CC2D2A: variants seen among roughly 807,000 people sequenced by gnomAD.
CC2D2A encodes the protein coiled-coil and C2 domain-containing protein 2A.
CC2D2A carries 155 observed loss-of-function variants against 212.9 expected under a neutral mutation model. That is an observed-to-expected ratio of 0.73 (90% CI 0.64 to 0.83). CC2D2A has a LOEUF of 0.83. CC2D2A is among the 40% of genes least tolerant of loss of function. The probability of loss-of-function intolerance (pLI) is 0.00; values close to 1 mark genes in which losing one functional copy is unlikely to be tolerated. For missense variants in CC2D2A, 1,856 were observed against 1,956.2 expected (o/e 0.95, Z 0.97); for synonymous variants, 667 against 686.5 (o/e 0.97, Z 0.44).
intron 28 of CC2D2A, among the ~76,000 whole-genome samples, chr4:15,572,255 A>C (rs1720204895): frequency 6.6e-6 from 1 of 152,246 alleles, no homozygotes; most frequent in Admixed American, 6.5e-5. Flanking sequence ...AGAAGCCTAG[A>C]GAGGTTAAGT....
Position 15,596,199 on chromosome 4 carries a change from A to G in CC2D2A, c.4429A>G (p.Ser1477Gly). 1 of 1,537,808 alleles carries G rather than the reference A, an allele frequency of 6.5e-7. No individual in the cohort carries two copies. The highest frequency in any genetic ancestry group is 1.9e-4 in the Middle Eastern group (1 of 5,328). ...SRSLPYPGLS[S>G]VQPEELIYQR... Reference sequence around the variant, plus strand: ...AAGCCTTCCATATCCTGGCCTTTCCAGTGTTCAGGTATAAATCTTTTATTA... The same window carrying G: ...AAGCCTTCCATATCCTGGCCTTTCCGGTGTTCAGGTATAAATCTTTTATTA... Residue 1477 changes from serine to glycine, a missense_variant, in exon 34 of 37, where the codon AGT (serine) becomes GGT (glycine). Physicochemically the swap from Ser to Gly is moderately conservative, Grantham distance 56. Around this residue, in one of 5 missense-constraint regions of CC2D2A, gnomAD observed 285 missense variants for 278.4 expected, o/e 1.02. Coordinates refer to ENST00000424120, the MANE Select transcript of CC2D2A (RefSeq NM_001378615.1).
intron 28 of CC2D2A, 48 bp from the exon 29 acceptor site, chr4:15,574,102 T>C (rs1197960961): frequency 6.2e-6 from 9 of 1,453,638 alleles, no homozygotes; most frequent in African/African-American, 1.4e-5. Context: ...TCTCAACTTC[T>C]GTTGGAAAAA....
intron 32 of CC2D2A, among the ~76,000 whole-genome samples, chr4:15,589,241 G>C (rs1720984406): frequency 6.6e-6 from 1 of 152,100 alleles, no homozygotes; most frequent in Non-Finnish European, 1.5e-5. Context: ...AAACGCCAGT[G>C]ACTGCTTATT....
intron 28 of CC2D2A, among the ~76,000 whole-genome samples, chr4:15,570,700 C>CA (rs1185535160): frequency 5.3e-5 from 8 of 151,940 alleles, no homozygotes; most frequent in Non-Finnish European, 1.0e-4. Context: ...ACTAAAGATA[C>CA]AAAAAATTAG....
At chr4:15,516,589 A>C in intron 10 of CC2D2A, 36 bp from the exon 11 acceptor site, 1 of 1,593,036 alleles carries the variant, frequency 6.3e-7, no homozygotes, top group Non-Finnish European at 8.6e-7. Flanking sequence ...GTTCGATTAG[A>C]AGAAAATGTT....
intron 23 of CC2D2A, among the ~76,000 whole-genome samples, chr4:15,562,907 A>G (rs1309544761): frequency 6.6e-6 from 1 of 152,174 alleles, no homozygotes; most frequent in East Asian, 1.9e-4. Context: ...AGAGAGAGTA[A>G]CCCTTCCAGC....
intron 5 of CC2D2A, 54 bp downstream of exon 5, chr4:15,502,571 C>T (rs556544210): frequency 2.1e-6 from 3 of 1,437,954 alleles, no homozygotes; most frequent in African/African-American, 2.9e-5. Context: ...TCTTCCAGGG[C>T]TTGTCTAGCT....
Position 15,600,184 on chromosome 4 carries a change from C to G in CC2D2A, c.4674+478C>G, listed in dbSNP as rs186822776. Among the ~76,000 whole-genome samples the G allele has an allele frequency of 1.6e-4, 25 of 152,270 alleles. No homozygotes were observed. In the East Asian group the frequency reaches 4.8e-3, roughly 29 times the overall value. On this transcript the variant is annotated intron_variant, in intron 36 of 36. Coordinates refer to ENST00000424120, the MANE Select transcript of CC2D2A (RefSeq NM_001378615.1). ...CTCGTAACTAAAACTTAACAGTAAGCCTTACTAGCTAAACAGTGTGAAGGT... is the reference window on the plus strand; with the variant it reads ...CTCGTAACTAAAACTTAACAGTAAGGCTTACTAGCTAAACAGTGTGAAGGT...
chr4:15,536,976 A>C lies in CC2D2A; in HGVS notation c.1664A>C (p.Glu555Ala), dbSNP rs1718164541. 6.2e-7 allele frequency: 1 copy of C among 1,613,772 alleles called. No individual in the cohort carries two copies. Among genetic ancestry groups the C allele is most frequent in the African/African-American group, 1.3e-5 (1 of 74,944 alleles). Residue 555 changes from glutamate to alanine, a missense_variant, in exon 15 of 37, where the codon GAA becomes GCA. By Grantham distance (107) the Glu-to-Ala change is moderately radical. Around this residue, in one of 5 missense-constraint regions of CC2D2A, gnomAD observed 1,512 missense variants for 1,579.3 expected, o/e 0.96. Transcript: ENST00000424120. ...GCATATGAAGCAGAAATTCAAGCTG[A>C]AATAAGTGAACTGTTAGAAGAGCAC... is the stretch of plus-strand genomic sequence containing the variant. The part of the protein sequence containing the change: ...EEAYEAEIQA[E>A]ISELLEEHTE...
At chr4:15,531,268 G>A (rs2109027853) in intron 13 of CC2D2A, among the ~76,000 whole-genome samples, 1 of 152,268 alleles carries the variant, frequency 6.6e-6, no homozygotes, top group Non-Finnish European at 1.5e-5. Flanking sequence ...CTCTCAGCCT[G>A]CTCAGTGCTT....
At chr4:15,601,067 G>GATATTA (rs1721570918) in intron 36 of CC2D2A, among the ~76,000 whole-genome samples, 170 bp from the exon 37 acceptor site, 1 of 152,116 alleles carries the variant, frequency 6.6e-6, no homozygotes, top group African/African-American at 2.4e-5. Context: ...AAACAAAATG[G>GATATTA]ATATTAAGCA....
intron 15 of CC2D2A, 72 bp downstream of exon 15, chr4:15,537,148 G>C: frequency 7.1e-7 from 1 of 1,412,628 alleles, no homozygotes; most frequent in Admixed American, 2.1e-5. Context: ...TCCAGTACAG[G>C]AGTGGGGAAA....
chr4:15,567,525 T>G (rs1719942185), intron 25 of CC2D2A, 43 bp downstream of exon 25: 3 of 1,521,866 alleles, frequency 2.0e-6, no homozygotes, highest in South Asian at 2.4e-5. Flanking sequence ...GCCCCTTAAG[T>G]TTTTAAGAAA....
Position 15,553,263 on chromosome 4 carries a change from C to G in CC2D2A, c.2444C>G (p.Pro815Arg), listed in dbSNP as rs1719099256. ...VAWAIGENGI[P>R]LIPPLSQQNI... ...TGGGCCATTGGAGAAAACGGGATAC[C>G]TTTAATTCCTCCATTGTCACAGCAG... is the stretch of plus-strand genomic sequence containing the variant. Residue 815 changes from proline (P) to arginine (R), a missense_variant, in exon 19 of 37, where the codon CCT (proline) becomes CGT (arginine). Physicochemically the swap from Pro to Arg is moderately radical, Grantham distance 103. This residue lies in a region of CC2D2A where 1,512 missense variants were observed against 1,579.3 expected (regional missense o/e 0.96). Coordinates refer to ENST00000424120, the MANE Select transcript of CC2D2A (RefSeq NM_001378615.1). The G allele has an allele frequency of 6.2e-7, 1 of 1,613,102 alleles. No homozygotes were observed. Among genetic ancestry groups the G allele is most frequent in the Non-Finnish European group, 8.5e-7 (1 of 1,179,572 alleles).
intron 4 of CC2D2A, among the ~76,000 whole-genome samples, chr4:15,492,339 T>G (rs573947644): frequency 1.3e-5 from 2 of 152,172 alleles, no homozygotes; most frequent in Non-Finnish European, 2.9e-5. Context: ...ATCTAGAATA[T>G]TGCAGTAGCC....
At chr4:15,497,305 T>C (rs891943022) in intron 4 of CC2D2A, among the ~76,000 whole-genome samples, 1 of 152,188 alleles carries the variant, frequency 6.6e-6, no homozygotes, top group African/African-American at 2.4e-5. Context: ...GAAGTCAAGC[T>C]GGCTTTTGCC....
At chr4:15,537,358 C>T (rs539105314) in intron 15 of CC2D2A, among the ~76,000 whole-genome samples, 63 of 152,314 alleles carry the variant, frequency 4.1e-4, no homozygotes, top group Admixed American at 2.8e-3. Flanking sequence ...ATGTAGTAAT[C>T]ACTAATGCAT....
intron 1 of CC2D2A, among the ~76,000 whole-genome samples, chr4:15,471,961 T>C (rs1713859602): frequency 6.6e-6 from 1 of 152,176 alleles, no homozygotes; most frequent in Admixed American, 6.5e-5. Flanking sequence ...CTGCACTGAG[T>C]AAAATAAATC....
In CC2D2A at chr4:15,529,163, T is replaced by C. The variant is rs574838608; in HGVS notation, c.1466+437T>C. On this transcript the variant is annotated intron_variant, in intron 13 of 36. Transcript: ENST00000424120. ...GGCTCATGCCTGTAATCCCAGCACT[T>C]TGGGATGCCAAGGTGAGGACAGTTT... is the stretch of plus-strand genomic sequence containing the variant. Among the ~76,000 whole-genome samples, 10 of 152,236 alleles carry C rather than the reference T, an allele frequency of 6.6e-5. No homozygotes were observed. In the South Asian group the frequency reaches 2.1e-3, roughly 32 times the overall value.
Sources: allele counts gnomAD v4.1 joint callset (sites outside exome capture counted in the v4.1 genomes callset), GRCh38; gene constraint gnomAD v4.1.1; regional missense constraint gnomAD v4.1.1; transcripts MANE v1.5; gene names NCBI Gene and HGNC (gene_info 2026-07-23, HGNC 2026-07-21).